TIMM21: variants seen among roughly 807,000 people sequenced by gnomAD.
TIMM21 encodes translocase of inner mitochondrial membrane 21.
Under a neutral mutation model 27.7 loss-of-function variants are expected in TIMM21, and 30 were observed. That is an observed-to-expected ratio of 1.08 (90% CI 0.81 to 1.47). The LOEUF is 1.47. Ranked by LOEUF, TIMM21 falls within the 40% of genes most tolerant of loss-of-function variation. The pLI is 0.00. For synonymous variants in TIMM21, 121 were observed against 114.4 expected (o/e 1.06, Z -0.37); for missense variants, 292 against 302.9 (o/e 0.96, Z 0.27).
chr18:74,154,323 G>A (rs1052912320), intron 1 of TIMM21, among the ~76,000 whole-genome samples: 11 of 149,546 alleles, frequency 7.4e-5, no homozygotes, highest in Non-Finnish European at 1.3e-4. Flanking sequence ...GTGCAGTGGC[G>A]CTATCTTGGC....
chr18:74,156,680 T>C (rs1044601164), intron 3 of TIMM21: 1 of 169,386 alleles, frequency 5.9e-6, no homozygotes, highest in African/African-American at 2.4e-5. Flanking sequence ...AGATGAAGAG[T>C]TGCTGTTTTA....
chr18:74,156,919 T>G (rs1442270723), intron 3 of TIMM21: 1 of 152,226 alleles, frequency 6.6e-6, no homozygotes, highest in African/African-American at 2.4e-5. Context: ...ATGTTGATAT[T>G]TATATGTTTA....
At position 74,152,058 on chromosome 18, in the gene TIMM21, C is replaced by T. The variant is rs57575310; in HGVS notation, c.301+2949C>T. On this transcript the variant is annotated intron_variant, in intron 1 of 5. Coordinates refer to ENST00000169551, the MANE Select transcript of TIMM21 (RefSeq NM_014177.3). The surrounding 1 kb of genome is among the most constrained non-coding windows in gnomAD (Gnocchi z 4.1). ...GTGGAGAGCCCTCCTGAGAGCAGCA[C>T]GTATCTTGCTAGGCAGAAACCCCCA... Among the ~76,000 whole-genome samples, 9,874 of 151,920 alleles carry T rather than the reference C, an allele frequency of 0.065. 544 individuals are homozygous for T. Among genetic ancestry groups the T allele is most frequent in the African/African-American group, 0.14 (5,745 of 41,326 alleles).
chr18:74,156,812 A>G (rs1177779525), intron 3 of TIMM21: 2 of 152,320 alleles, frequency 1.3e-5, no homozygotes, highest in Non-Finnish European at 2.9e-5. Flanking sequence ...AACTCTACAA[A>G]TAATAATTAA....
chr18:74,148,780 G>A lies in TIMM21; in HGVS notation c.-29G>A, dbSNP rs775329716. ...AGCTTTCCTAATTGTAGTTAGCATC[G>A]TCCCTAAGCGGAACGATTTTCCGTG... On this transcript the variant is annotated 5_prime_UTR_variant, in exon 1 of 6. Transcript: ENST00000169551. 8.2e-6 allele frequency: 13 copies of A among 1,591,516 alleles called. No individual in the cohort carries two copies. The highest frequency in any genetic ancestry group is 1.1e-5 in the Non-Finnish European group (13 of 1,163,286).
At chr18:74,156,754 C>T (rs1468855056) in intron 3 of TIMM21, 5 of 152,922 alleles carry the variant, frequency 3.3e-5, no homozygotes, top group African/African-American at 1.2e-4. Flanking sequence ...CAAGAATATA[C>T]AAAAGTGGGA....
intron 1 of TIMM21, among the ~76,000 whole-genome samples, chr18:74,154,314 T>G (rs938516028): frequency 6.6e-6 from 1 of 152,146 alleles, no homozygotes; most frequent in African/African-American, 2.4e-5. Flanking sequence ...CAGGCCGTAG[T>G]GCAGTGGCGC....
Position 74,158,497 on chromosome 18 carries a change from G to T in TIMM21, c.*17G>T. On this transcript the variant is annotated 3_prime_UTR_variant, in exon 6 of 6. Coordinates refer to ENST00000169551, the MANE Select transcript of TIMM21 (RefSeq NM_014177.3). Reference sequence around the variant, plus strand: ...GATGATTAAAATAGGGTTTCTGATGGATGTTGAATGGCGTGGACTCGCTAC... The same window carrying T: ...GATGATTAAAATAGGGTTTCTGATGTATGTTGAATGGCGTGGACTCGCTAC... 6.7e-7 allele frequency: 1 copy of T among 1,494,948 alleles called. No homozygotes were observed. 92.6% of individuals were successfully genotyped at this position (1,494,948 alleles called of 1,614,324 possible).
chr18:74,160,057 G>A lies in TIMM21; in HGVS notation c.*1577G>A, dbSNP rs1169611035. On this transcript the variant is annotated 3_prime_UTR_variant, in exon 6 of 6. Transcript: ENST00000169551. ...CTTTTGGCCAGGCGAGGTGGCTCATGCCTATAATCCCAGCACTTTGGGAGG... is the reference window on the plus strand; with the variant it reads ...CTTTTGGCCAGGCGAGGTGGCTCATACCTATAATCCCAGCACTTTGGGAGG... The A allele has an allele frequency of 2.6e-5, 4 of 152,064 alleles. No individual in the cohort carries two copies. The highest frequency in any genetic ancestry group is 9.7e-5 in the African/African-American group (4 of 41,352). 9.4% of individuals were successfully genotyped at this position (152,064 alleles called of 1,614,324 possible). A position where few individuals can be genotyped will look rare whatever the true frequency, so the allele number is the denominator to read the frequency against.
chr18:74,155,406 T>TCGGTGTCTTTGGTG lies in TIMM21; in HGVS notation c.462+3_462+4insCGGTGTCTTTGGTG. 6.2e-7 allele frequency: 1 copy of TCGGTGTCTTTGGTG among 1,605,780 alleles called. No homozygotes were observed. The highest frequency in any genetic ancestry group is 8.5e-7 in the Non-Finnish European group (1 of 1,176,622). On this transcript the variant is annotated splice_donor_region_variant and intron_variant, in intron 3 of 5. Coordinates refer to ENST00000169551, the MANE Select transcript of TIMM21 (RefSeq NM_014177.3). ...AAAAATGCAGATCACATCCTGAGGT[T>TCGGTGTCTTTGGTG]AGTTCTCAAGATTGAGTTACATGAA...
rs138821958 is a variant in TIMM21, at chr18:74,148,819, C to T, written c.11C>T (p.Thr4Ile). 163 of 1,602,976 alleles carry T rather than the reference C, an allele frequency of 1.0e-4. No homozygotes were observed. The Middle Eastern group carries it at 2.0e-3, about 20-fold the overall frequency. ...CGATTTTCCGTGAACATGATTTGTA[C>T]TTTTCTACGAGCCGTACAGTATACG... MIC[T>I]FLRAVQYTEK... is the part of the protein sequence containing the mutation. Residue 4 changes from threonine (T) to isoleucine (I), a missense_variant, in exon 1 of 6, where the codon ACT (threonine) becomes ATT (isoleucine). Transcript: ENST00000169551.
chr18:74,149,135 G>C (rs1025272225), intron 1 of TIMM21, 26 bp downstream of exon 1: 7 of 1,589,626 alleles, frequency 4.4e-6, no homozygotes, highest in Non-Finnish European at 6.0e-6. Context: ...TTAATGATTG[G>C]GCTTTCAACA....
Position 74,148,793 on chromosome 18 carries a change from A to C in TIMM21, c.-16A>C. 1 of 1,599,092 alleles carries C rather than the reference A, an allele frequency of 6.3e-7. No homozygotes were observed. The highest frequency in any genetic ancestry group is 8.6e-7 in the Non-Finnish European group (1 of 1,167,978). ...GTAGTTAGCATCGTCCCTAAGCGGA[A>C]CGATTTTCCGTGAACATGATTTGTA... is the stretch of plus-strand genomic sequence containing the variant. On this transcript the variant is annotated 5_prime_UTR_variant, in exon 1 of 6. Coordinates refer to ENST00000169551, the MANE Select transcript of TIMM21 (RefSeq NM_014177.3).
chr18:74,148,755 A>T lies in TIMM21; in HGVS notation c.-54A>T. ...CGGCCGCATGTGTAGTGAACCCTAAAGCTTTCCTAATTGTAGTTAGCATCG... is the reference window on the plus strand; with the variant it reads ...CGGCCGCATGTGTAGTGAACCCTAATGCTTTCCTAATTGTAGTTAGCATCG... On this transcript the variant is annotated 5_prime_UTR_variant, in exon 1 of 6. In the 5' UTR this introduces an upstream ATG that the reference lacks. Coordinates refer to ENST00000169551, the MANE Select transcript of TIMM21 (RefSeq NM_014177.3). 6.4e-7 allele frequency: 1 copy of T among 1,560,660 alleles called. No individual in the cohort carries two copies. The highest frequency in any genetic ancestry group is 1.2e-5 in the South Asian group (1 of 85,482).
intron 1 of TIMM21, among the ~76,000 whole-genome samples, chr18:74,151,579 G>A (rs2121913530): frequency 6.6e-6 from 1 of 152,304 alleles, no homozygotes; most frequent in South Asian, 2.1e-4. Context: ...CTATAAAGAT[G>A]TAACTGTGGC....
In TIMM21 at chr18:74,158,855, G is replaced by T; in HGVS notation, c.*375G>T. On this transcript the variant is annotated 3_prime_UTR_variant, in exon 6 of 6. Coordinates refer to ENST00000169551, the MANE Select transcript of TIMM21 (RefSeq NM_014177.3). Reference sequence around the variant, plus strand: ...GAATAAAATTAAAACTAACAAATATGTCATTAGCAGCTGCCCTCCGCATAC... The same window carrying T: ...GAATAAAATTAAAACTAACAAATATTTCATTAGCAGCTGCCCTCCGCATAC... The T allele has an allele frequency of 1.6e-5, 3 of 187,972 alleles. No individual in the cohort carries two copies. The highest frequency in any genetic ancestry group is 1.0e-4 in the South Asian group (1 of 9,728). The allele number at this position is 187,972 out of a possible 1,614,324, so 11.6% of individuals were successfully genotyped here.
At chr18:74,154,990 C>G in intron 1 of TIMM21, 155 bp from the exon 2 acceptor site, 1 of 668,548 alleles carries the variant, frequency 1.5e-6, no homozygotes, top group South Asian at 1.8e-5. Context: ...GGCGCTGACA[C>G]ACAGGGAGTT....
rs1319132948 is a variant in TIMM21, at chr18:74,158,372, T to C, written c.643-4T>C. The C allele has an allele frequency of 6.2e-7, 1 of 1,606,988 alleles. No homozygotes were observed. The highest frequency in any genetic ancestry group is 8.5e-7 in the Non-Finnish European group (1 of 1,175,806). ...AATACCTGGAAACACTACATTTTTT[T>C]CAGAACCCAGGAAGTGGTGAATATG... On this transcript the variant is annotated splice_region_variant and splice_polypyrimidine_tract_variant and intron_variant, in intron 5 of 5. Transcript: ENST00000169551.
chr18:74,148,895 G>A lies in TIMM21; in HGVS notation c.87G>A (p.Val29=). The A allele has an allele frequency of 6.2e-7, 1 of 1,614,216 alleles. No homozygotes were observed. The highest frequency in any genetic ancestry group is 8.5e-7 in the Non-Finnish European group (1 of 1,180,042). Residue 29 remains valine, a synonymous_variant, in exon 1 of 6, where the codon GTG becomes GTA. Transcript: ENST00000169551. ...AGCGATTGCTTTTGCCATACATCGT[G>A]CTTAACAAAGCGTGCTTGAAGACTG... The part of the protein sequence containing the change: ...SAKRLLLPYI[V]LNKACLKTEP...
Sources: gnomAD v4.1 joint callset for allele counts (sites outside exome capture counted in the v4.1 genomes callset) on GRCh38, gnomAD v4.1.1 for gene constraint, Gnocchi (gnomAD v3.1) non-coding constraint, MANE v1.5 for transcripts, NCBI Gene and HGNC (gene_info 2026-07-23, HGNC 2026-07-21) for gene names.